VSTM4: variants seen among roughly 807,000 people sequenced by gnomAD.
The protein encoded by VSTM4 is V-set and transmembrane domain-containing protein 4.
VSTM4 carries 20 observed loss-of-function variants against 36.4 expected under a neutral mutation model. The ratio of observed to expected loss-of-function variants is 0.55; its 90% confidence interval spans 0.39 to 0.80. VSTM4 has a LOEUF of 0.80. Among genes scored for constraint, VSTM4 ranks in the 30% least tolerant of loss-of-function variants. The probability of loss-of-function intolerance (pLI) is 0.00; values close to 1 mark genes in which losing one functional copy is unlikely to be tolerated. For missense variants in VSTM4, 392 were observed against 404.5 expected, an observed-to-expected ratio of 0.97 and a Z score of 0.26; for synonymous variants, 182 against 173.9, an observed-to-expected ratio of 1.05 and a Z score of -0.37.
At chr10:49,106,508 C>T (rs150173936) in intron 2 of VSTM4, among the ~76,000 whole-genome samples, 53 of 152,346 alleles carry the variant, frequency 3.5e-4, no homozygotes, top group African/African-American at 1.2e-3. Flanking sequence ...AAATGCTGTC[C>T]ATCCCTCCTA....
chr10:49,029,933 A>G (rs562589484), intron 7 of VSTM4, among the ~76,000 whole-genome samples: 37 of 152,290 alleles, frequency 2.4e-4, no homozygotes, highest in African/African-American at 7.9e-4. Flanking sequence ...GAGGGGAAAG[A>G]AAGAATCTCA....
chr10:49,041,653 T>C (rs1843523566), intron 7 of VSTM4, among the ~76,000 whole-genome samples: 1 of 152,200 alleles, frequency 6.6e-6, no homozygotes, highest in Non-Finnish European at 1.5e-5. Flanking sequence ...ACAAAAGATT[T>C]TCATGTTTAA....
intron 7 of VSTM4, among the ~76,000 whole-genome samples, chr10:49,025,525 G>A (rs1001560086): frequency 6.6e-5 from 10 of 152,136 alleles, no homozygotes; most frequent in South Asian, 2.1e-4. Flanking sequence ...TGCCTGGCCC[G>A]CCATGGCCAG....
intron 5 of VSTM4, among the ~76,000 whole-genome samples, chr10:49,062,295 C>T (rs1233759451): frequency 6.8e-6 from 1 of 146,846 alleles, no homozygotes; most frequent in African/African-American, 2.6e-5. Flanking sequence ...TTCCTTCTTC[C>T]TTCCTAAGGC....
chr10:49,099,145 C>T (rs969886952), intron 2 of VSTM4, among the ~76,000 whole-genome samples: 2 of 152,196 alleles, frequency 1.3e-5, no homozygotes, highest in Non-Finnish European at 2.9e-5. Context: ...GTAGTACCTA[C>T]GACACAATCA....
intron 2 of VSTM4, among the ~76,000 whole-genome samples, chr10:49,089,689 AG>A (rs1391107433): frequency 6.6e-6 from 1 of 152,254 alleles, no homozygotes; most frequent in South Asian, 2.1e-4. Flanking sequence ...TAGAAACACC[AG>A]TCCTAATCTT....
chr10:49,029,637 G>C (rs1459388212), intron 7 of VSTM4, among the ~76,000 whole-genome samples: 1 of 152,246 alleles, frequency 6.6e-6, no homozygotes, highest in African/African-American at 2.4e-5. Context: ...TGAGCAGACA[G>C]GCAGACAGCA....
intron 2 of VSTM4, among the ~76,000 whole-genome samples, chr10:49,107,109 C>T (rs1187079779): frequency 6.6e-6 from 1 of 152,236 alleles, no homozygotes; most frequent in Non-Finnish European, 1.5e-5. Context: ...ACTTCTTTGA[C>T]TCTACTGAGT....
chr10:49,064,839 A>G (rs1356056273), intron 4 of VSTM4, 103 bp from the exon 5 acceptor site: 1 of 1,237,212 alleles, frequency 8.1e-7, no homozygotes, highest in Admixed American at 2.0e-5. Context: ...TTGTTCAGGT[A>G]TTGGTGCTAT....
chr10:49,087,711 T>C (rs1168362498), intron 2 of VSTM4, among the ~76,000 whole-genome samples: 2 of 152,072 alleles, frequency 1.3e-5, no homozygotes, highest in African/African-American at 4.8e-5. Flanking sequence ...CTCCTAAACA[T>C]ACTGGTTGTC....
intron 5 of VSTM4, chr10:49,064,110 C>T (rs1169095792): frequency 2.0e-5 from 3 of 152,234 alleles, no homozygotes; most frequent in African/African-American, 7.2e-5. Context: ...GATTCCAAAC[C>T]AGTTTACCTT....
chr10:49,103,926 G>C, intron 2 of VSTM4: 1 of 1,367,452 alleles, frequency 7.3e-7, no homozygotes, highest in Non-Finnish European at 1.0e-6. Flanking sequence ...GGGGTGGGGG[G>C]CACTCAAACC....
intron 5 of VSTM4, among the ~76,000 whole-genome samples, chr10:49,058,924 C>T (rs1044489464): frequency 6.6e-6 from 1 of 152,166 alleles, no homozygotes; most frequent in Non-Finnish European, 1.5e-5. Flanking sequence ...GCTTAAGACC[C>T]AGGGCCCCAT....
intron 7 of VSTM4, among the ~76,000 whole-genome samples, chr10:49,035,770 T>G (rs1410713178): frequency 6.6e-6 from 1 of 151,758 alleles, no homozygotes; most frequent in Non-Finnish European, 1.5e-5. Flanking sequence ...CCCAGGAGTT[T>G]GAGGCTATAG....
intron 7 of VSTM4, among the ~76,000 whole-genome samples, chr10:49,027,917 T>C (rs1843288126): frequency 6.6e-6 from 1 of 152,228 alleles, no homozygotes; most frequent in African/African-American, 2.4e-5. Context: ...TTTTGTGTGA[T>C]GTTTTCATGC....
intron 3 of VSTM4, among the ~76,000 whole-genome samples, chr10:49,084,666 T>C (rs973167171): frequency 1.3e-5 from 2 of 152,208 alleles, no homozygotes; most frequent in African/African-American, 4.8e-5. Context: ...TCAATAAATG[T>C]TGTACCATCA....
chr10:49,093,150 G>T (rs193275674), intron 2 of VSTM4, among the ~76,000 whole-genome samples: 1 of 152,270 alleles, frequency 6.6e-6, no homozygotes, highest in East Asian at 1.9e-4. Flanking sequence ...TAGGTGGAGG[G>T]TCTTAATTGA....
intron 2 of VSTM4, among the ~76,000 whole-genome samples, chr10:49,099,757 G>A (rs1035492667): frequency 4.6e-5 from 7 of 152,230 alleles, no homozygotes; most frequent in East Asian, 1.9e-4. Context: ...TCTGGCATGA[G>A]ATTCTGTGAA....
At chr10:49,019,889 T>G in intron 7 of VSTM4, 114 bp from the exon 8 acceptor site, 1 of 1,344,778 alleles carries the variant, frequency 7.4e-7, no homozygotes, top group Non-Finnish European at 9.9e-7. Context: ...CAGCGAGGGA[T>G]AAGTGGACAA....
Sources: allele counts gnomAD v4.1 joint callset (sites outside exome capture counted in the v4.1 genomes callset), GRCh38; gene constraint gnomAD v4.1.1; transcripts MANE v1.5; gene names NCBI Gene and HGNC (gene_info 2026-07-23, HGNC 2026-07-21).